The following RABGAP1L variants were observed in gnomAD, a reference collection of about 807,000 sequenced individuals.
The protein encoded by RABGAP1L is RAB GTPase activating protein 1 like.
A neutral mutation model predicts 137.7 loss-of-function variants in RABGAP1L; 63 were observed. The ratio of observed to expected loss-of-function variants is 0.46; its 90% confidence interval spans 0.37 to 0.56. RABGAP1L has a LOEUF of 0.56. Among genes scored for constraint, RABGAP1L ranks in the 20% least tolerant of loss-of-function variants. The probability of loss-of-function intolerance (pLI) is 0.00; values close to 1 mark genes in which losing one functional copy is unlikely to be tolerated. For missense variants in RABGAP1L, 1,095 were observed against 1,244.0 expected (o/e 0.88, Z 1.80); for synonymous variants, 431 against 433.7 (o/e 0.99, Z 0.08).
At chr1:174,782,212 T>C (rs1282987307) in intron 18 of RABGAP1L, among the ~76,000 whole-genome samples, 1 of 152,224 alleles carries the variant, frequency 6.6e-6, no homozygotes, top group African/African-American at 2.4e-5. Context: ...GGAATGTTCC[T>C]CCATTCGTTT....
intron 14 of RABGAP1L, among the ~76,000 whole-genome samples, chr1:174,678,100 G>T (rs909084711): frequency 1.3e-5 from 2 of 151,554 alleles, no homozygotes; most frequent in African/African-American, 4.8e-5. Context: ...AGTCAATTAG[G>T]GACTATTATG....
intron 19 of RABGAP1L, among the ~76,000 whole-genome samples, chr1:174,857,022 A>G (rs1458956300): frequency 1.3e-5 from 2 of 152,184 alleles, no homozygotes; most frequent in African/African-American, 4.8e-5. Flanking sequence ...TATGCTCAGT[A>G]CATCCTTCTT....
chr1:174,397,149 A>C (rs1283231805), intron 13 of RABGAP1L, among the ~76,000 whole-genome samples: 1 of 152,168 alleles, frequency 6.6e-6, no homozygotes, highest in African/African-American at 2.4e-5. Flanking sequence ...CCAGTCTCAA[A>C]CCACAAAAAA....
intron 19 of RABGAP1L, among the ~76,000 whole-genome samples, chr1:174,824,934 C>T (rs994988427): frequency 2.6e-5 from 4 of 152,098 alleles, no homozygotes; most frequent in Non-Finnish European, 5.9e-5. Context: ...TTCTGAAGTT[C>T]CACTTAAAGA....
intron 13 of RABGAP1L, among the ~76,000 whole-genome samples, chr1:174,483,897 A>G (rs1356312421): frequency 6.6e-6 from 1 of 151,822 alleles, no homozygotes; most frequent in Non-Finnish European, 1.5e-5. Flanking sequence ...TGATATTCTG[A>G]TGTCCTTTCT....
chr1:174,305,446 A>G (rs1195039592), intron 11 of RABGAP1L, among the ~76,000 whole-genome samples: 2 of 151,996 alleles, frequency 1.3e-5, no homozygotes, highest in African/African-American at 4.8e-5. Context: ...AGTGCAGTGG[A>G]AAATCTCGGC....
At chr1:174,542,149 A>G (rs1027824511) in intron 13 of RABGAP1L, among the ~76,000 whole-genome samples, 2 of 152,076 alleles carry the variant, frequency 1.3e-5, no homozygotes, top group African/African-American at 2.4e-5. Context: ...TGTTGATTGG[A>G]ATAGTTTCAG....
chr1:174,499,549 A>G (rs762266186), intron 13 of RABGAP1L, among the ~76,000 whole-genome samples: 3 of 152,198 alleles, frequency 2.0e-5, no homozygotes, highest in Non-Finnish European at 4.4e-5. Context: ...TTGGCATCAA[A>G]CACACATTGG....
intron 19 of RABGAP1L, among the ~76,000 whole-genome samples, chr1:174,855,005 T>C (rs1558153139): frequency 6.6e-6 from 1 of 152,092 alleles, no homozygotes; most frequent in Admixed American, 6.6e-5. Flanking sequence ...CCCAAAGTGC[T>C]GGGATTACAG....
chr1:174,693,684 C>A (rs61826959), intron 15 of RABGAP1L, among the ~76,000 whole-genome samples: 3 of 151,896 alleles, frequency 2.0e-5, no homozygotes, highest in Non-Finnish European at 2.9e-5. Flanking sequence ...TGAGAGCTGA[C>A]TATATGGATG....
intron 5 of RABGAP1L, among the ~76,000 whole-genome samples, chr1:174,241,864 T>C (rs909714254): frequency 6.6e-6 from 1 of 152,224 alleles, no homozygotes; most frequent in African/African-American, 2.4e-5. Context: ...AGCTTAGCAG[T>C]TGTCGTAGAA....
chr1:174,726,621 G>A (rs575181243), intron 17 of RABGAP1L, among the ~76,000 whole-genome samples: 53 of 152,194 alleles, frequency 3.5e-4, no homozygotes, highest in African/African-American at 1.1e-3. Context: ...AGGCTAGTTA[G>A]AAAATTTAAG....
At chr1:174,731,365 A>G (rs1293490802) in intron 17 of RABGAP1L, among the ~76,000 whole-genome samples, 1 of 152,180 alleles carries the variant, frequency 6.6e-6, no homozygotes, top group Non-Finnish European at 1.5e-5. Flanking sequence ...ATTTGTATGG[A>G]CAGGTTGCAC....
chr1:174,545,544 G>C (rs1043320494), intron 13 of RABGAP1L: 4 of 36,806 alleles, frequency 1.1e-4, no homozygotes, highest in African/African-American at 4.7e-4. Flanking sequence ...CCAACCCCTT[G>C]CACTTCCCAG....
chr1:174,783,414 TTG>T (rs1687182486), intron 18 of RABGAP1L, among the ~76,000 whole-genome samples: 1 of 152,080 alleles, frequency 6.6e-6, no homozygotes, highest in South Asian at 2.1e-4. Flanking sequence ...CGTCACCATC[TTG>T]GGAGCTCTAA....
At chr1:174,573,009 T>C (rs1668099388) in intron 13 of RABGAP1L, among the ~76,000 whole-genome samples, 1 of 150,132 alleles carries the variant, frequency 6.7e-6, no homozygotes. Context: ...TAATCGACTT[T>C]GCCAAAGTCA....
intron 5 of RABGAP1L, among the ~76,000 whole-genome samples, chr1:174,242,716 A>G (rs1395035615): frequency 6.6e-6 from 1 of 152,220 alleles, no homozygotes; most frequent in Non-Finnish European, 1.5e-5. Context: ...ATTCTCTATC[A>G]GAACCCATGC....
At chr1:174,216,303 A>C (rs1435220088) in intron 1 of RABGAP1L, among the ~76,000 whole-genome samples, 1 of 152,136 alleles carries the variant, frequency 6.6e-6, no homozygotes, top group Non-Finnish European at 1.5e-5. Context: ...AGAATAATTG[A>C]ATTGCTTCTA....
intron 17 of RABGAP1L, among the ~76,000 whole-genome samples, chr1:174,724,660 C>G (rs1193069239): frequency 6.6e-6 from 1 of 152,154 alleles, no homozygotes; most frequent in African/African-American, 2.4e-5. Context: ...ATAGTCCTAA[C>G]ATAACATATG....
Sources: gnomAD v4.1 joint callset for allele counts (sites outside exome capture counted in the v4.1 genomes callset) on GRCh38, gnomAD v4.1.1 for gene constraint, MANE v1.5 for transcripts, NCBI Gene and HGNC (gene_info 2026-07-23, HGNC 2026-07-21) for gene names.